NAALADL2: variants seen among roughly 807,000 people sequenced by gnomAD.
NAALADL2 encodes N-acetylated alpha-linked acidic dipeptidase like 2, also known as inactive N-acetylated-alpha-linked acidic dipeptidase-like protein 2.
A neutral mutation model predicts 87.2 loss-of-function variants in NAALADL2; 76 were observed. The observed-to-expected ratio is 0.87, with a 90% CI of 0.72 to 1.05. NAALADL2 has a LOEUF of 1.05. Ranked by LOEUF, NAALADL2 falls within the 50% of genes least tolerant of loss-of-function variation. NAALADL2 has a pLI of 0.00. For synonymous variants in NAALADL2, 354 were observed against 331.0 expected, an observed-to-expected ratio of 1.07 and a Z score of -0.75; for missense variants, 1,089 against 945.8, an observed-to-expected ratio of 1.15 and a Z score of -1.99.
chr3:174,701,495 T>G (rs1357364249), intron 2 of NAALADL2, among the ~76,000 whole-genome samples: 1 of 152,138 alleles, frequency 6.6e-6, no homozygotes, highest in Non-Finnish European at 1.5e-5. Context: ...ATATTTAAAT[T>G]GTGCAATTTG....
At chr3:175,741,301 T>C (rs1004301023) in intron 12 of NAALADL2, among the ~76,000 whole-genome samples, 6 of 152,106 alleles carry the variant, frequency 3.9e-5, no homozygotes, top group Non-Finnish European at 7.4e-5. Flanking sequence ...GGTAGAAGGG[T>C]TGAGGGAGCT....
chr3:175,398,327 T>C (rs548351310), intron 5 of NAALADL2, among the ~76,000 whole-genome samples: 1 of 149,636 alleles, frequency 6.7e-6, no homozygotes, highest in Non-Finnish European at 1.5e-5. Flanking sequence ...CATTCTTAAT[T>C]AGTGATGCTT....
At chr3:175,107,755 T>A (rs1041611646) in intron 2 of NAALADL2, among the ~76,000 whole-genome samples, 2 of 145,680 alleles carry the variant, frequency 1.4e-5, no homozygotes, top group Non-Finnish European at 3.0e-5. Flanking sequence ...CATTAAAAAA[T>A]TTCAGATTTT....
chr3:174,921,878 T>C (rs1313881892), intron 1 of NAALADL2, among the ~76,000 whole-genome samples: 1 of 150,670 alleles, frequency 6.6e-6, no homozygotes, highest in Non-Finnish European at 1.5e-5. Context: ...GCAAAATCCA[T>C]TTGGCAGGAA....
chr3:175,429,423 T>G (rs770758907), intron 5 of NAALADL2, among the ~76,000 whole-genome samples: 1 of 152,064 alleles, frequency 6.6e-6, no homozygotes, highest in Non-Finnish European at 1.5e-5. Context: ...TGGTACACTA[T>G]ACTGTTTCTT....
At chr3:174,958,810 A>G (rs757888082) in intron 1 of NAALADL2, among the ~76,000 whole-genome samples, 13 of 152,094 alleles carry the variant, frequency 8.5e-5, no homozygotes, top group Non-Finnish European at 1.9e-4. Context: ...GTTGGAAAAG[A>G]CTGTCTTGTA....
At chr3:175,536,943 C>T (rs1582301697) in intron 9 of NAALADL2, among the ~76,000 whole-genome samples, 2 of 152,152 alleles carry the variant, frequency 1.3e-5, no homozygotes, top group South Asian at 4.1e-4. Context: ...GATCGCGCCA[C>T]TGCGCTCCAG....
intron 2 of NAALADL2, among the ~76,000 whole-genome samples, chr3:175,119,467 G>A (rs1434468538): frequency 6.6e-6 from 1 of 151,256 alleles, no homozygotes; most frequent in Non-Finnish European, 1.5e-5. Context: ...CAGGACTATA[G>A]GATGTAGAGG....
intron 2 of NAALADL2, among the ~76,000 whole-genome samples, chr3:175,182,035 T>C (rs1736636708): frequency 6.6e-6 from 1 of 151,890 alleles, no homozygotes; most frequent in African/African-American, 2.4e-5. Context: ...CAACGGTTCC[T>C]TTTCTCCACA....
At chr3:174,475,234 G>A (rs111906100) in intron 1 of NAALADL2, among the ~76,000 whole-genome samples, 15 of 151,584 alleles carry the variant, frequency 9.9e-5, no homozygotes, top group African/African-American at 3.1e-4. Context: ...AAAGGGAACC[G>A]GTCATTAAGG....
At chr3:175,182,594 T>C (rs1390607413) in intron 2 of NAALADL2, among the ~76,000 whole-genome samples, 2 of 67,014 alleles carry the variant, frequency 3.0e-5, no homozygotes, top group Non-Finnish European at 7.5e-5. Context: ...GATGTGGTCT[T>C]GCTATGTTGC....
intron 2 of NAALADL2, among the ~76,000 whole-genome samples, chr3:174,572,541 G>A (rs563017417): frequency 6.6e-6 from 1 of 152,112 alleles, no homozygotes; most frequent in South Asian, 2.1e-4. Flanking sequence ...AATAAATGAG[G>A]TATAAAAATT....
At chr3:175,268,635 A>G (rs184963480) in intron 4 of NAALADL2, among the ~76,000 whole-genome samples, 16 of 152,256 alleles carry the variant, frequency 1.1e-4, no homozygotes, top group Admixed American at 9.2e-4. Flanking sequence ...AACGCATTGC[A>G]CACCTGACAA....
At chr3:175,232,011 C>A (rs987591923) in intron 2 of NAALADL2, among the ~76,000 whole-genome samples, 1 of 151,972 alleles carries the variant, frequency 6.6e-6, no homozygotes, top group Non-Finnish European at 1.5e-5. Context: ...AGCCCTCTTA[C>A]TGGTAATGAA....
intron 2 of NAALADL2, among the ~76,000 whole-genome samples, chr3:174,589,910 A>G (rs1454632968): frequency 6.6e-6 from 1 of 151,612 alleles, no homozygotes; most frequent in East Asian, 1.9e-4. Flanking sequence ...CATAAATAAA[A>G]CATCCTGTTA....
chr3:174,942,347 C>G (rs1579643355), intron 1 of NAALADL2, among the ~76,000 whole-genome samples: 1 of 152,096 alleles, frequency 6.6e-6, no homozygotes, highest in African/African-American at 2.4e-5. Context: ...TTCAAGAATG[C>G]TGAATATAGG....
At chr3:175,034,452 T>C (rs1753167137) in intron 1 of NAALADL2, among the ~76,000 whole-genome samples, 1 of 152,106 alleles carries the variant, frequency 6.6e-6, no homozygotes, top group Admixed American at 6.6e-5. Context: ...CCTGTTATCA[T>C]CTCAAATTAG....
At chr3:174,589,225 A>G (rs1717083346) in intron 2 of NAALADL2, among the ~76,000 whole-genome samples, 1 of 152,162 alleles carries the variant, frequency 6.6e-6, no homozygotes. Context: ...GACTGTTGGA[A>G]AAGTGCAGTA....
intron 13 of NAALADL2, among the ~76,000 whole-genome samples, chr3:175,781,366 T>G (rs762693764): frequency 6.6e-6 from 1 of 152,086 alleles, no homozygotes; most frequent in Non-Finnish European, 1.5e-5. Context: ...GGGCTGAAAA[T>G]CTCCTATTGC....
Sources: gnomAD v4.1 joint callset for allele counts (sites outside exome capture counted in the v4.1 genomes callset) on GRCh38, gnomAD v4.1.1 for gene constraint, MANE v1.5 for transcripts, NCBI Gene and HGNC (gene_info 2026-07-23, HGNC 2026-07-21) for gene names.